Variants in KCTD1 observed in about 807,000 individuals in gnomAD.
The protein encoded by KCTD1 is BTB/POZ domain-containing protein KCTD1.
A neutral mutation model predicts 66.0 loss-of-function variants in KCTD1; 24 were observed. The observed-to-expected ratio is 0.36, with a 90% CI of 0.26 to 0.51. The LOEUF (loss-of-function observed/expected upper bound fraction) is 0.51. KCTD1 is among the 20% of genes least tolerant of loss of function. KCTD1 has a pLI of 0.95. For missense variants in KCTD1, 943 were observed against 1,205.2 expected, an observed-to-expected ratio of 0.78 and a Z score of 3.22; for synonymous variants, 511 against 517.2, an observed-to-expected ratio of 0.99 and a Z score of 0.16.
chr18:26,534,868 CT>C (rs1232700385), intron 1 of KCTD1, among the ~76,000 whole-genome samples: 1 of 152,124 alleles, frequency 6.6e-6, no homozygotes, highest in Non-Finnish European at 1.5e-5. Context: ...TTCTCCTATA[CT>C]TTTTTCTACT....
intron 1 of KCTD1, among the ~76,000 whole-genome samples, chr18:26,505,539 C>T (rs141208699): frequency 1.3e-5 from 2 of 152,334 alleles, no homozygotes; most frequent in African/African-American, 4.8e-5. Flanking sequence ...GCCCATTGTT[C>T]TCTCCTTTGC....
At chr18:26,570,876 C>T (rs1451542098) in intron 1 of KCTD1, among the ~76,000 whole-genome samples, 1 of 152,202 alleles carries the variant, frequency 6.6e-6, no homozygotes, top group Non-Finnish European at 1.5e-5. Context: ...ATGCCTCAGT[C>T]ATGTATAGCT....
At chr18:26,470,082 G>C (rs1980969832) in intron 3 of KCTD1, among the ~76,000 whole-genome samples, 1 of 152,186 alleles carries the variant, frequency 6.6e-6, no homozygotes, top group Admixed American at 6.5e-5. Context: ...CAAGAGCCTA[G>C]TTTGCATGTT....
chr18:26,644,529 C>T (rs143125763), upstream of KCTD1, among the ~76,000 whole-genome samples: 7 of 152,050 alleles, frequency 4.6e-5, no homozygotes, highest in Admixed American at 1.3e-4. Flanking sequence ...GAGGCCAAGG[C>T]GGGCAGATCA....
At chr18:26,618,566 G>A (rs1182638206) in intron 1 of KCTD1, among the ~76,000 whole-genome samples, 2 of 152,196 alleles carry the variant, frequency 1.3e-5, no homozygotes, top group Non-Finnish European at 2.9e-5. Context: ...AAAGGTGAAC[G>A]AGGAAGGACC....
At chr18:26,632,576 C>A (rs910284190), upstream of KCTD1, among the ~76,000 whole-genome samples, 5 of 151,988 alleles carry the variant, frequency 3.3e-5, no homozygotes, top group Admixed American at 1.3e-4. Flanking sequence ...CTAAGAGATA[C>A]TGAGTTTTTA....
At chr18:26,558,740 G>A (rs1985770549) in intron 1 of KCTD1, among the ~76,000 whole-genome samples, 1 of 152,088 alleles carries the variant, frequency 6.6e-6, no homozygotes, top group Non-Finnish European at 1.5e-5. Context: ...TGGCCAACAT[G>A]GTGAAACCCC....
rs34637023 is a variant in KCTD1, at chr18:26,556,034, G to GAA, written c.-15-54786_-15-54785dup. On this transcript the variant is annotated intron_variant, in intron 1 of 4. Coordinates refer to the KCTD1 transcript ENST00000317932. ...CTGTGTTTCTAAATGAACTAAAAAAGAAAAAAAAATCCCCTTTTAAATACC... is the reference window on the plus strand; with the variant it reads ...CTGTGTTTCTAAATGAACTAAAAAAGAAAAAAAAAAATCCCCTTTTAAATACC... 8.2e-3 allele frequency among the ~76,000 whole-genome samples: 1,244 copies of GAA among 151,336 alleles called. 12 individuals carry two copies. Among genetic ancestry groups the GAA allele is most frequent in the Non-Finnish European group, 0.011 (777 of 67,818 alleles).
chr18:26,635,211 T>C (rs1027983820), intron 1 of KCTD1, among the ~76,000 whole-genome samples: 2 of 152,192 alleles, frequency 1.3e-5, no homozygotes, highest in Admixed American at 6.5e-5. Flanking sequence ...GACCTGTTTG[T>C]CTCTACCGTT....
chr18:26,627,324 C>T (rs190385098), intron 1 of KCTD1, among the ~76,000 whole-genome samples: 1 of 150,580 alleles, frequency 6.6e-6, no homozygotes, highest in African/African-American at 2.5e-5. Flanking sequence ...AGCTTAATGC[C>T]AGTAAGCCTA....
At chr18:26,465,350 C>G (rs1024925835) in intron 3 of KCTD1, among the ~76,000 whole-genome samples, 9 of 152,210 alleles carry the variant, frequency 5.9e-5, no homozygotes, top group African/African-American at 2.2e-4. Context: ...TCCCATAGTG[C>G]TGGGATTACA....
chr18:26,611,472 A>T (rs2438419), intron 1 of KCTD1, among the ~76,000 whole-genome samples: 151,534 of 152,206 alleles, frequency 1, 75,438 homozygotes, highest in Middle Eastern at 1. Flanking sequence ...TGTCTCAACC[A>T]CCTGAGTAGC....
chr18:26,651,595 C>T (rs149893457), intron 1 of KCTD1, among the ~76,000 whole-genome samples: 42 of 151,852 alleles, frequency 2.8e-4, no homozygotes, highest in African/African-American at 8.9e-4. Flanking sequence ...ACCAGCTTGG[C>T]CAAAATGGTG....
chr18:26,465,621 A>G (rs551893036), intron 3 of KCTD1, among the ~76,000 whole-genome samples: 160 of 152,100 alleles, frequency 1.1e-3, no homozygotes, highest in Non-Finnish European at 1.6e-3. Context: ...CACTGTCTCC[A>G]CTCCCATCTT....
At chr18:26,597,317 G>C (rs1391367110) in intron 1 of KCTD1, among the ~76,000 whole-genome samples, 1 of 152,104 alleles carries the variant, frequency 6.6e-6, no homozygotes, top group Non-Finnish European at 1.5e-5. Flanking sequence ...CACATGGGAG[G>C]AAGGAACAAA....
chr18:26,509,856 G>A (rs1054208848), intron 1 of KCTD1, among the ~76,000 whole-genome samples: 1 of 152,164 alleles, frequency 6.6e-6, no homozygotes, highest in African/African-American at 2.4e-5. Context: ...CGCCCCGTGC[G>A]ATCTCTGAGA....
chr18:26,485,147 C>A lies in KCTD1; in HGVS notation c.1989-8488G>T, dbSNP rs561410910. On this transcript the variant is annotated intron_variant, in intron 2 of 4. Transcript: ENST00000580059. ...GGGATAATACCTACCTCAAATAATT[C>A]TCATGAGGAATAAGTGGATATCTAA... Among the ~76,000 whole-genome samples the A allele has an allele frequency of 2.0e-5, 3 of 152,312 alleles. No homozygotes were observed. In the South Asian group the frequency reaches 6.2e-4, roughly 32 times the overall value.
intron 1 of KCTD1, among the ~76,000 whole-genome samples, chr18:26,512,004 A>G (rs1226556597): frequency 6.6e-6 from 1 of 152,252 alleles, no homozygotes; most frequent in Non-Finnish European, 1.5e-5. Flanking sequence ...TCATAAACTT[A>G]TTAACTTCTT....
chr18:26,552,138 T>C (rs898312862), upstream of KCTD1, among the ~76,000 whole-genome samples: 12 of 152,236 alleles, frequency 7.9e-5, no homozygotes, highest in Admixed American at 7.9e-4. Context: ...GCTTCTCCAC[T>C]TCTCAGAATA....
Sources: allele counts gnomAD v4.1 joint callset (sites outside exome capture counted in the v4.1 genomes callset), GRCh38; gene constraint gnomAD v4.1.1; transcripts MANE v1.5; gene names NCBI Gene and HGNC (gene_info 2026-07-23, HGNC 2026-07-21).